Variants in AKAP6 observed in about 807,000 individuals in gnomAD.
The protein encoded by AKAP6 is A-kinase anchor protein 6.
A neutral mutation model predicts 188.5 loss-of-function variants in AKAP6; 58 were observed. The ratio of observed to expected loss-of-function variants is 0.31; its 90% CI spans 0.25 to 0.38. The LOEUF (loss-of-function observed/expected upper bound fraction) is 0.38, where lower values mean the gene tolerates loss of function less well. Among genes scored for constraint, AKAP6 ranks in the 10% least tolerant of loss-of-function variants. AKAP6 has a pLI of 1.00. For synonymous variants in AKAP6, 989 were observed against 998.6 expected (o/e 0.99, Z 0.18); for missense variants, 2,710 against 2,740.0 (o/e 0.99, Z 0.24).
chr14:32,423,648 A>T (rs1175717396), intron 1 of AKAP6, among the ~76,000 whole-genome samples: 3 of 152,132 alleles, frequency 2.0e-5, no homozygotes, highest in African/African-American at 7.2e-5. Flanking sequence ...CCTACTTTAC[A>T]TATTGAGGTC....
intron 4 of AKAP6, among the ~76,000 whole-genome samples, chr14:32,556,195 C>T (rs557935653): frequency 6.6e-6 from 1 of 152,032 alleles, no homozygotes; most frequent in South Asian, 2.1e-4. Flanking sequence ...ATTTCCACTT[C>T]TCTGATGAAT....
At chr14:32,397,377 CTTTT>C (rs60314050) in intron 1 of AKAP6, among the ~76,000 whole-genome samples, 1 of 130,330 alleles carries the variant, frequency 7.7e-6, no homozygotes. Flanking sequence ...TTTTTATTGT[CTTTT>C]TTTTTTTTTT....
At chr14:32,556,239 G>C (rs955113984) in intron 4 of AKAP6, among the ~76,000 whole-genome samples, 14 of 151,984 alleles carry the variant, frequency 9.2e-5, no homozygotes, top group Admixed American at 6.6e-5. Context: ...ATACTTGTTG[G>C]CTATTTGTAT....
intron 9 of AKAP6, chr14:32,726,213 A>C (rs573089743): frequency 1.0e-6 from 1 of 983,252 alleles, no homozygotes; most frequent in African/African-American, 1.7e-5. Flanking sequence ...CTGCAGACTA[A>C]GGAGAAAACT....
chr14:32,528,856 T>G (rs1248818547), intron 2 of AKAP6, among the ~76,000 whole-genome samples: 1 of 152,078 alleles, frequency 6.6e-6, no homozygotes, highest in Admixed American at 6.6e-5. Context: ...TTTTGTATTC[T>G]TAGTAGAGTT....
At chr14:32,651,526 G>A (rs191840720) in intron 7 of AKAP6, among the ~76,000 whole-genome samples, 92 of 152,264 alleles carry the variant, frequency 6.0e-4, no homozygotes, top group African/African-American at 2.0e-3. Context: ...CCAAGGTCAA[G>A]GCACTGGCAG....
intron 5 of AKAP6, among the ~76,000 whole-genome samples, chr14:32,579,104 A>G (rs1226057166): frequency 1.3e-5 from 2 of 152,168 alleles, no homozygotes; most frequent in African/African-American, 4.8e-5. Flanking sequence ...ATTTAAATTT[A>G]AATTGCCACA....
chr14:32,821,977 G>A lies in AKAP6; in HGVS notation c.4164G>A (p.Gly1388=). Residue 1388 remains glycine (G), a synonymous_variant, in exon 13 of 14, where the codon GGG becomes GGA. Transcript: ENST00000280979. ...SEMCLLNAVD[G]SPSNLETEHL... is the part of the protein sequence containing the mutation. Reference sequence around the variant, plus strand: ...TGTGCTTGCTCAATGCAGTGGATGGGTCCCCAAGTAACCTTGAAACTGAAC... The same window carrying A: ...TGTGCTTGCTCAATGCAGTGGATGGATCCCCAAGTAACCTTGAAACTGAAC... 1.9e-6 allele frequency: 3 copies of A among 1,613,896 alleles called. No individual in the cohort carries two copies. The highest frequency in any genetic ancestry group is 1.7e-6 in the Non-Finnish European group (2 of 1,179,938).
intron 1 of AKAP6, among the ~76,000 whole-genome samples, chr14:32,390,806 G>C (rs978176608): frequency 6.6e-6 from 1 of 152,114 alleles, no homozygotes. Flanking sequence ...GGTCCTCTCA[G>C]GTTTCCTGAT....
chr14:32,703,851 C>T (rs1018564506), intron 9 of AKAP6, among the ~76,000 whole-genome samples: 8 of 152,182 alleles, frequency 5.3e-5, no homozygotes, highest in African/African-American at 1.9e-4. Flanking sequence ...CTGAGACTTG[C>T]TGTGATGTGA....
At position 32,568,071 on chromosome 14, in the gene AKAP6, A is replaced by G. The variant is rs1197771667; in HGVS notation, c.2347-9049A>G. On this transcript the variant is annotated intron_variant, in intron 4 of 13. Coordinates refer to ENST00000280979, the MANE Select transcript of AKAP6 (RefSeq NM_004274.5). The surrounding 1 kb of genome is among the most constrained non-coding windows in gnomAD (Gnocchi z 6.2). ...GAAAGAAAAGAAAGGCTGAAAAGAGAGAGCACAGAGTACAGGAAGAATGAT... is the reference window on the plus strand; with the variant it reads ...GAAAGAAAAGAAAGGCTGAAAAGAGGGAGCACAGAGTACAGGAAGAATGAT... Among the ~76,000 whole-genome samples, 1 of 152,178 alleles carries G rather than the reference A, an allele frequency of 6.6e-6. No individual in the cohort carries two copies. Among genetic ancestry groups the G allele is most frequent in the Non-Finnish European group, 1.5e-5 (1 of 68,024 alleles).
At chr14:32,402,175 C>G (rs943948748) in intron 1 of AKAP6, 1 of 152,200 alleles carries the variant, frequency 6.6e-6, no homozygotes, top group Non-Finnish European at 1.5e-5. Context: ...TTTCTACTGA[C>G]AGGTATTCTT....
At chr14:32,695,868 C>G in intron 8 of AKAP6, 122 bp from the exon 9 acceptor site, 3 of 1,231,006 alleles carry the variant, frequency 2.4e-6, no homozygotes, top group Non-Finnish European at 3.3e-6. Flanking sequence ...TAGAAATTTT[C>G]TCTTCTCTTA....
In AKAP6 at chr14:32,433,342, G is replaced by C; in HGVS notation, c.-34-118G>C. On this transcript the variant is annotated intron_variant, in intron 1 of 13. Transcript: ENST00000280979. ...TCTTTCTGTTTTTGTTATGAGCTAT[G>C]GTTTCTTAATTTAGAAATCTGGCTT... 4.1e-6 allele frequency: 3 copies of C among 726,540 alleles called. No homozygotes were observed. In the South Asian group the frequency reaches 5.9e-5, roughly 14 times the overall value. 45.0% of individuals were successfully genotyped at this position (726,540 alleles called of 1,614,324 possible).
chr14:32,494,065 C>T (rs1441885918), intron 2 of AKAP6, among the ~76,000 whole-genome samples: 1 of 152,158 alleles, frequency 6.6e-6, no homozygotes, highest in African/African-American at 2.4e-5. Flanking sequence ...CTTTGGTGTT[C>T]TCTCTTTTGG....
chr14:32,749,558 AAGTCTTCCC>A (rs1422105967), intron 11 of AKAP6, among the ~76,000 whole-genome samples: 1 of 152,142 alleles, frequency 6.6e-6, no homozygotes, highest in Admixed American at 6.5e-5. Flanking sequence ...GGGAAGTAAA[AAGTCTTCCC>A]ATTTATGAAT....
chr14:32,729,200 A>G (rs1329475856), intron 9 of AKAP6, among the ~76,000 whole-genome samples: 2 of 151,942 alleles, frequency 1.3e-5, no homozygotes, highest in African/African-American at 4.8e-5. Flanking sequence ...TCTGGTTTCC[A>G]TGGTGACAAT....
chr14:32,583,431 G>A lies in AKAP6; in HGVS notation c.2469+6189G>A, dbSNP rs1043454451. On this transcript the variant is annotated intron_variant, in intron 5 of 13. Transcript: ENST00000280979. ...GGTGCCTCCCAGTTAGGCTGCTCGG[G>A]GGTCAGGGGTCAGGGACCCATTTGA... Among the ~76,000 whole-genome samples the A allele has an allele frequency of 4.6e-5, 7 of 152,220 alleles. No homozygotes were observed. In the South Asian group the frequency reaches 1.2e-3, roughly 27 times the overall value.
At chr14:32,379,028 C>T (rs965485848) in intron 1 of AKAP6, among the ~76,000 whole-genome samples, 29 of 151,344 alleles carry the variant, frequency 1.9e-4, no homozygotes, top group African/African-American at 7.0e-4. Context: ...AAGCGATTCT[C>T]CTGCCTCAGC....
Sources: allele counts gnomAD v4.1 joint callset (sites outside exome capture counted in the v4.1 genomes callset), GRCh38; gene constraint gnomAD v4.1.1; non-coding constraint Gnocchi (gnomAD v3.1); transcripts MANE v1.5; gene names NCBI Gene and HGNC (gene_info 2026-07-23, HGNC 2026-07-21).